SEMA3A: variants seen among roughly 807,000 people sequenced by gnomAD.
SEMA3A encodes the protein semaphorin-3A.
SEMA3A carries 29 observed loss-of-function variants against 97.9 expected under a neutral mutation model. The observed-to-expected ratio is 0.30, with a 90% CI of 0.22 to 0.40. SEMA3A has a LOEUF of 0.40. Among genes scored for constraint, SEMA3A ranks in the 10% least tolerant of loss-of-function variants. The pLI is 1.00. For synonymous variants in SEMA3A, 321 were observed against 323.7 expected (o/e 0.99, Z 0.09); for missense variants, 763 against 951.3 (o/e 0.80, Z 2.60).
chr7:84,399,242 C>T (rs1006157742), intron 1 of SEMA3A, among the ~76,000 whole-genome samples: 3 of 152,140 alleles, frequency 2.0e-5, no homozygotes, highest in Non-Finnish European at 2.9e-5. Context: ...TTAGAATAGC[C>T]CTGGACCTGA....
intron 1 of SEMA3A, among the ~76,000 whole-genome samples, chr7:84,180,013 C>A (rs894334752): frequency 4.5e-4 from 62 of 138,934 alleles, no homozygotes; most frequent in African/African-American, 1.5e-3. Context: ...GTGGCGCGAT[C>A]TCGGCTCACC....
At chr7:84,036,873 T>A (rs1584577290) in intron 6 of SEMA3A, among the ~76,000 whole-genome samples, 1 of 152,056 alleles carries the variant, frequency 6.6e-6, no homozygotes. Flanking sequence ...TTTGAGCTTA[T>A]AAAAAAGTCC....
At position 84,098,037 on chromosome 7, in the gene SEMA3A, A is replaced by G. The variant is rs570731513; in HGVS notation, c.453+12433T>C. 9.7e-4 allele frequency among the ~76,000 whole-genome samples: 147 copies of G among 152,198 alleles called. 1 individual carries two copies. In the Middle Eastern group the frequency reaches 0.017, roughly 18 times the overall value. ...GGATAGCTTGAAAAGGCCCATTTAC[A>G]TTAGAAATAATAGAATAAAGAGTAT... On this transcript the variant is annotated intron_variant, in intron 4 of 16. Coordinates refer to ENST00000265362, the MANE Select transcript of SEMA3A (RefSeq NM_006080.3).
At chr7:84,102,379 G>A (rs1387311698) in intron 4 of SEMA3A, among the ~76,000 whole-genome samples, 1 of 152,026 alleles carries the variant, frequency 6.6e-6, no homozygotes, top group African/African-American at 2.4e-5. Flanking sequence ...CAAGCTATCT[G>A]GCTTTGGCTG....
chr7:84,400,209 T>C (rs1230087543), intron 1 of SEMA3A, among the ~76,000 whole-genome samples: 3 of 152,064 alleles, frequency 2.0e-5, no homozygotes, highest in African/African-American at 7.2e-5. Context: ...CTAGAATAAA[T>C]AGTCTTCAAT....
intron 3 of SEMA3A, among the ~76,000 whole-genome samples, chr7:84,127,502 ACC>A (rs1795834580): frequency 6.6e-6 from 1 of 152,256 alleles, no homozygotes; most frequent in East Asian, 1.9e-4. Context: ...TTGCAGCAGT[ACC>A]CCTGAATAAA....
chr7:84,101,737 C>A (rs1395309329), intron 4 of SEMA3A, among the ~76,000 whole-genome samples: 1 of 152,084 alleles, frequency 6.6e-6, no homozygotes, highest in Non-Finnish European at 1.5e-5. Flanking sequence ...ATGATGATCA[C>A]TTGTCATTCT....
intron 1 of SEMA3A, among the ~76,000 whole-genome samples, chr7:84,140,341 C>T (rs1796260831): frequency 6.6e-6 from 1 of 152,116 alleles, no homozygotes; most frequent in African/African-American, 2.4e-5. Flanking sequence ...GTGCCCAGAA[C>T]TAGACTTTTT....
intron 3 of SEMA3A, among the ~76,000 whole-genome samples, chr7:84,257,651 G>T (rs1014135227): frequency 2.0e-5 from 3 of 152,132 alleles, no homozygotes; most frequent in African/African-American, 7.2e-5. Flanking sequence ...AGTGCCTGCT[G>T]TGATTTTCTC....
chr7:84,368,566 TA>T, intron 2 of SEMA3A, among the ~76,000 whole-genome samples: 1 of 150,978 alleles, frequency 6.6e-6, no homozygotes, highest in South Asian at 2.1e-4. Flanking sequence ...AAATATAGTA[TA>T]TACATATAAA....
intron 1 of SEMA3A, among the ~76,000 whole-genome samples, chr7:84,405,372 C>T (rs750161928): frequency 3.3e-5 from 5 of 152,174 alleles, no homozygotes; most frequent in African/African-American, 4.8e-5. Context: ...GCACCCAATA[C>T]ATTAACACCC....
At chr7:83,988,953 C>G (rs568083301) in intron 12 of SEMA3A, among the ~76,000 whole-genome samples, 8 of 150,436 alleles carry the variant, frequency 5.3e-5, no homozygotes, top group Non-Finnish European at 1.2e-4. Context: ...CGCACCCCCC[C>G]GATATTCAGC....
intron 1 of SEMA3A, among the ~76,000 whole-genome samples, chr7:84,389,337 C>A (rs781490634): frequency 6.6e-6 from 1 of 152,078 alleles, no homozygotes; most frequent in African/African-American, 2.4e-5. Context: ...ATTTCTCTAT[C>A]AACTATTTAC....
At chr7:84,262,661 G>C (rs1197504655) in intron 3 of SEMA3A, among the ~76,000 whole-genome samples, 2 of 152,138 alleles carry the variant, frequency 1.3e-5, no homozygotes, top group Non-Finnish European at 2.9e-5. Context: ...TTCTATATCT[G>C]TAAACTTATA....
chr7:84,467,199 G>C lies in SEMA3A; in HGVS notation c.-246+25261C>G, dbSNP rs375639921. Among the ~76,000 whole-genome samples the C allele has an allele frequency of 4.6e-5, 7 of 152,128 alleles. No individual in the cohort carries two copies. In the South Asian group the frequency reaches 1.5e-3, roughly 32 times the overall value. ...AGATGAATTAAATATATTTTCCTAA[G>C]TTGTAGACTTCATAAATGATTAAAG... On this transcript the variant is annotated intron_variant, in intron 1 of 3. Coordinates refer to the SEMA3A transcript ENST00000424555.
rs1168343667 is a variant in SEMA3A at position 83,993,109 on chromosome 7, A to C, written c.1453-7632T>G. On this transcript the variant is annotated intron_variant, in intron 12 of 16. Transcript: ENST00000265362. ...TCTCTTTTGATCTTTGTTGGTTTCA[A>C]GTCTGTTTTATCAGAGACTAGGATT... Among the ~76,000 whole-genome samples the C allele has an allele frequency of 3.5e-5, 5 of 143,298 alleles. No individual in the cohort carries two copies. The Admixed American group carries it at 3.6e-4, about 10-fold the overall frequency. The allele number at this position is 143,298 out of a possible 152,430, so 94.0% of individuals were successfully genotyped here.
At chr7:84,313,393 TATATATATATATAA>T (rs1801409693) in intron 2 of SEMA3A, among the ~76,000 whole-genome samples, 2 of 101,328 alleles carry the variant, frequency 2.0e-5, no homozygotes, top group African/African-American at 6.8e-5. Context: ...TATATATATA[TATATATATATATAA>T]ACTATACGTG....
intron 6 of SEMA3A, among the ~76,000 whole-genome samples, chr7:84,029,151 C>CT (rs925572195): frequency 6.6e-6 from 1 of 152,078 alleles, no homozygotes; most frequent in Non-Finnish European, 1.5e-5. Context: ...ATTTATATAA[C>CT]TTTTTTTGTT....
At chr7:84,092,606 G>T (rs11976072) in intron 4 of SEMA3A, among the ~76,000 whole-genome samples, 62,764 of 151,868 alleles carry the variant, frequency 0.41, 14,825 homozygotes, top group Admixed American at 0.52. Flanking sequence ...ATCGAAGTTT[G>T]CAGACAAAGA....
Sources: allele counts gnomAD v4.1 joint callset (sites outside exome capture counted in the v4.1 genomes callset), GRCh38; gene constraint gnomAD v4.1.1; transcripts MANE v1.5; gene names NCBI Gene and HGNC (gene_info 2026-07-23, HGNC 2026-07-21).